MLIP: variants seen among roughly 807,000 people sequenced by gnomAD.
MLIP encodes the protein muscular LMNA interacting protein, also known as muscular LMNA-interacting protein.
A neutral mutation model predicts 84.8 loss-of-function variants in MLIP; 79 were observed. That is an observed-to-expected ratio of 0.93 (90% CI 0.78 to 1.12). The LOEUF is 1.12. Among genes scored for constraint, MLIP ranks in the 50% most tolerant of loss-of-function variants. The pLI is 0.00. For missense variants in MLIP, 1,257 were observed against 1,160.6 expected (o/e 1.08, Z -1.21); for synonymous variants, 504 against 463.0 (o/e 1.09, Z -1.14).
chr6:54,109,885 T>C (rs1265527862), upstream of MLIP, among the ~76,000 whole-genome samples: 1 of 150,904 alleles, frequency 6.6e-6, no homozygotes, highest in African/African-American at 2.4e-5. Flanking sequence ...AACTGCAGTA[T>C]AGGGCTTTCT....
At chr6:54,248,675 TG>T (rs1374930279) in intron 12 of MLIP, among the ~76,000 whole-genome samples, 43 of 152,110 alleles carry the variant, frequency 2.8e-4, no homozygotes, top group Non-Finnish European at 4.6e-4. Context: ...CTTTATCTCT[TG>T]GGATGGAAGA....
In MLIP at chr6:54,266,056, T is replaced by C. The variant is rs1582669055; in HGVS notation, c.*101T>C. ...CTTTTTTTTTTTTTTCCAGAATGAG[T>C]GCTCCCTTTATGAGCTGCAGTGCAG... On this transcript the variant is annotated 3_prime_UTR_variant, in exon 14 of 14. Transcript: ENST00000502396. 1 of 1,233,520 alleles carries C rather than the reference T, an allele frequency of 8.1e-7. No individual in the cohort carries two copies. The highest frequency in any genetic ancestry group is 1.5e-5 in the African/African-American group (1 of 65,680). The allele number at this position is 1,233,520 out of a possible 1,614,324, so 76.4% of individuals were successfully genotyped here. A position where few individuals can be genotyped will look rare whatever the true frequency, so the allele number is the denominator to read the frequency against.
At chr6:54,046,338 C>T (rs1752891236) in intron 1 of MLIP, 1 of 149,690 alleles carries the variant, frequency 6.7e-6, no homozygotes, top group Non-Finnish European at 1.5e-5. Context: ...TAATTTAATA[C>T]ATTGTCATTA....
chr6:54,207,248 T>A (rs1779093714), intron 11 of MLIP, among the ~76,000 whole-genome samples: 1 of 152,158 alleles, frequency 6.6e-6, no homozygotes, highest in Non-Finnish European at 1.5e-5. Flanking sequence ...AAACAGGTTA[T>A]GTTCTATACA....
At chr6:54,133,966 G>A (rs1771600766) in intron 3 of MLIP, among the ~76,000 whole-genome samples, 1 of 152,070 alleles carries the variant, frequency 6.6e-6, no homozygotes, top group Non-Finnish European at 1.5e-5. Context: ...TGAAGCAAAG[G>A]AATCAATAAA....
chr6:54,232,057 G>A (rs190455085), intron 12 of MLIP, among the ~76,000 whole-genome samples: 1 of 152,002 alleles, frequency 6.6e-6, no homozygotes, highest in Admixed American at 6.6e-5. Flanking sequence ...ACATTTTTCT[G>A]ACCTTTGTTT....
intron 1 of MLIP, among the ~76,000 whole-genome samples, chr6:54,077,570 C>T (rs1331077404): frequency 6.6e-6 from 1 of 151,938 alleles, no homozygotes; most frequent in Non-Finnish European, 1.5e-5. Flanking sequence ...AAAAACATAC[C>T]AAACTCACTG....
intron 12 of MLIP, among the ~76,000 whole-genome samples, chr6:54,244,678 G>A (rs2150847138): frequency 1.3e-5 from 2 of 152,284 alleles, no homozygotes; most frequent in Non-Finnish European, 2.9e-5. Flanking sequence ...GCATGCTTCT[G>A]TTTATCTAAT....
At chr6:54,242,552 C>T (rs577198985) in intron 12 of MLIP, among the ~76,000 whole-genome samples, 22 of 151,982 alleles carry the variant, frequency 1.4e-4, no homozygotes, top group Non-Finnish European at 2.8e-4. Flanking sequence ...GATATTTTAA[C>T]AAAGATCAAT....
chr6:54,210,117 C>G (rs563694728), intron 11 of MLIP, among the ~76,000 whole-genome samples: 1 of 151,818 alleles, frequency 6.6e-6, no homozygotes, highest in South Asian at 2.1e-4. Context: ...ATTCTCCCTT[C>G]CACACCTGCC....
intron 1 of MLIP, among the ~76,000 whole-genome samples, chr6:54,033,200 C>G (rs1314076342): frequency 6.6e-6 from 1 of 151,860 alleles, no homozygotes; most frequent in Non-Finnish European, 1.5e-5. Context: ...AGGTAAAGTA[C>G]TTTGCGATCA....
chr6:54,083,129 T>C (rs1390138866), intron 1 of MLIP, among the ~76,000 whole-genome samples: 1 of 152,146 alleles, frequency 6.6e-6, no homozygotes, highest in Non-Finnish European at 1.5e-5. Flanking sequence ...TAAGGTTGAG[T>C]TTCTTACTTA....
intron 1 of MLIP, among the ~76,000 whole-genome samples, chr6:54,043,903 G>A (rs1764888118): frequency 6.6e-6 from 1 of 152,164 alleles, no homozygotes; most frequent in African/African-American, 2.4e-5. Context: ...GCGAGATAGA[G>A]GTTTTCTCAG....
chr6:54,031,061 A>AT (rs1764103772), intron 1 of MLIP, among the ~76,000 whole-genome samples: 1 of 152,198 alleles, frequency 6.6e-6, no homozygotes, highest in Non-Finnish European at 1.5e-5. Flanking sequence ...TAGATCATGC[A>AT]TGTTGACAGA....
intron 3 of MLIP, 41 bp from the exon 4 acceptor site, chr6:54,136,674 A>G (rs1032340015): frequency 1.4e-6 from 2 of 1,394,048 alleles, no homozygotes; most frequent in Non-Finnish European, 1.9e-6. Context: ...CGTTTCACAA[A>G]TAATGTCCTA....
intron 1 of MLIP, among the ~76,000 whole-genome samples, chr6:54,059,333 G>T (rs1383145003): frequency 6.6e-6 from 1 of 152,152 alleles, no homozygotes; most frequent in Admixed American, 6.5e-5. Context: ...CTTTGTGTAT[G>T]TAGATCCCTC....
intron 9 of MLIP, among the ~76,000 whole-genome samples, chr6:54,178,833 T>A (rs888361736): frequency 4.6e-5 from 7 of 152,208 alleles, no homozygotes; most frequent in African/African-American, 1.7e-4. Flanking sequence ...TTGAGAATGA[T>A]CCATGTGCTA....
Position 54,121,455 on chromosome 6 carries a change from T to C in MLIP, c.105T>C (p.Ala35=). ...AACTACATGTCTCATAGGTCTCTGC[T>C]GGTGGTTCTGAAGCCAAACCTCTGA... ...GSIQTTPQVS[A]GGSEAKPLIF... Residue 35 remains alanine (A), a synonymous_variant, in exon 2 of 14, where the codon GCT becomes GCC. Transcript: ENST00000502396. The C allele has an allele frequency of 6.2e-7, 1 of 1,614,092 alleles. No homozygotes were observed. The highest frequency in any genetic ancestry group is 8.5e-7 in the Non-Finnish European group (1 of 1,179,982).
chr6:54,070,256 C>T (rs1196254016), intron 1 of MLIP, among the ~76,000 whole-genome samples: 2 of 152,122 alleles, frequency 1.3e-5, no homozygotes, highest in African/African-American at 4.8e-5. Context: ...CTTCAATTTT[C>T]AAAGAGCCTT....
Sources: allele counts gnomAD v4.1 joint callset (sites outside exome capture counted in the v4.1 genomes callset), GRCh38; gene constraint gnomAD v4.1.1; transcripts MANE v1.5; gene names NCBI Gene and HGNC (gene_info 2026-07-23, HGNC 2026-07-21).